PRKG2: variants seen among roughly 807,000 people sequenced by gnomAD.
PRKG2 encodes cGMP-dependent protein kinase 2.
Under a neutral mutation model 97.2 loss-of-function variants are expected in PRKG2, and 33 were observed. That is an observed-to-expected ratio of 0.34 (90% CI 0.26 to 0.45). The LOEUF is 0.45. PRKG2 is among the 20% of genes least tolerant of loss of function. The pLI is 1.00. For synonymous variants in PRKG2, 330 were observed against 321.8 expected, an observed-to-expected ratio of 1.03 and a Z score of -0.27; for missense variants, 638 against 900.0, an observed-to-expected ratio of 0.71 and a Z score of 3.73.
At chr4:81,092,949 A>G (rs1741735083) in intron 17 of PRKG2, among the ~76,000 whole-genome samples, 1 of 152,150 alleles carries the variant, frequency 6.6e-6, no homozygotes, top group Non-Finnish European at 1.5e-5. Flanking sequence ...TGTGCTGGAG[A>G]TAACTTAGCA....
chr4:81,144,252 A>G lies in PRKG2; in HGVS notation c.1233T>C (p.Asp411=). 1 of 1,610,558 alleles carries G rather than the reference A, an allele frequency of 6.2e-7. No individual in the cohort carries two copies. The highest frequency in any genetic ancestry group is 8.5e-7 in the Non-Finnish European group (1 of 1,176,986). ...LEGYVANLNR[D]DEKRHAKRSM... is the part of the protein sequence containing the mutation. ...CTTACTTCGCATGTCTTTTTTCATC[A>G]TCACGGTTCAGGTTTGCCACATATC... The change falls in exon 10 of 19, where the codon GAT becomes GAC. Residue 411 remains aspartate, a synonymous_variant. Transcript: ENST00000264399.
rs542562457 is a variant in PRKG2, at chr4:81,189,381, C to A, written c.462-14422G>T. ...GAAATAATAAAAATGTCAACACACA[C>A]AAAAAAAAAGAAAATGTGGCACATA... On this transcript the variant is annotated intron_variant, in intron 2 of 18. Transcript: ENST00000264399. 5.5e-5 allele frequency among the ~76,000 whole-genome samples: 7 copies of A among 126,800 alleles called. 2 individuals are homozygous for A. The highest frequency in any genetic ancestry group is 2.6e-4 in the African/African-American group (6 of 23,144). The allele number at this position is 126,800 out of a possible 152,430, so 83.2% of individuals were successfully genotyped here.
chr4:81,185,948 T>C (rs1751845264), intron 2 of PRKG2, among the ~76,000 whole-genome samples: 1 of 152,070 alleles, frequency 6.6e-6, no homozygotes, highest in African/African-American at 2.4e-5. Context: ...ATGCACCCAA[T>C]AAAGGAGCAC....
chr4:81,199,484 A>T (rs899988803), intron 2 of PRKG2, among the ~76,000 whole-genome samples: 13 of 152,162 alleles, frequency 8.5e-5, no homozygotes, highest in Admixed American at 7.2e-4. Flanking sequence ...CTGATTTTGA[A>T]TTCTGTTTCC....
intron 18 of PRKG2, among the ~76,000 whole-genome samples, chr4:81,091,645 C>T (rs1287008618): frequency 6.6e-6 from 1 of 152,128 alleles, no homozygotes; most frequent in Non-Finnish European, 1.5e-5. Context: ...TCCACAACTA[C>T]ACTTTGATGA....
rs545356418 is a variant in PRKG2 at position 81,164,422 on chromosome 4, G to A, written c.912+2739C>T. Among the ~76,000 whole-genome samples the A allele has an allele frequency of 1.6e-4, 24 of 151,750 alleles. No homozygotes were observed. In the South Asian group the frequency reaches 4.4e-3, roughly 28 times the overall value. On this transcript the variant is annotated intron_variant, in intron 6 of 18. Coordinates refer to ENST00000264399, the MANE Select transcript of PRKG2 (RefSeq NM_006259.3). ...CTACAATTATTTCAACTTTCTTATG[G>A]CTCTGGATTTAACCGTTAGGATGAC...
At chr4:81,121,753 T>C (rs1204017067) in intron 14 of PRKG2, among the ~76,000 whole-genome samples, 1 of 151,504 alleles carries the variant, frequency 6.6e-6, no homozygotes, top group East Asian at 1.9e-4. Context: ...TTAATCTGGA[T>C]AGAGACATTG....
intron 11 of PRKG2, among the ~76,000 whole-genome samples, chr4:81,142,193 A>G (rs1328386638): frequency 6.6e-6 from 1 of 152,232 alleles, no homozygotes; most frequent in Non-Finnish European, 1.5e-5. Flanking sequence ...TGGAAGGCAC[A>G]ACTAAAATCA....
At chr4:81,110,727 GCA>G (rs145649671) in intron 14 of PRKG2, 116 bp from the exon 15 acceptor site, 14,279 of 683,322 alleles carry the variant, frequency 0.021, 2 homozygotes, top group East Asian at 0.029. Flanking sequence ...TTTATACCAT[GCA>G]CACACACACA....
chr4:81,171,630 GA>G (rs1236900004), intron 4 of PRKG2, 60 bp downstream of exon 4: 16 of 1,316,000 alleles, frequency 1.2e-5, no homozygotes, highest in Non-Finnish European at 1.7e-5. Flanking sequence ...AATGTGACTG[GA>G]CTAGATTATC....
chr4:81,123,230 T>C (rs529693407), intron 14 of PRKG2, among the ~76,000 whole-genome samples: 2 of 152,350 alleles, frequency 1.3e-5, no homozygotes, highest in Admixed American at 1.3e-4. Flanking sequence ...TTTTGAAGAA[T>C]TTTATTAGGT....
At chr4:81,124,058 C>T (rs1348482651) in intron 14 of PRKG2, among the ~76,000 whole-genome samples, 1 of 152,158 alleles carries the variant, frequency 6.6e-6, no homozygotes, top group African/African-American at 2.4e-5. Flanking sequence ...CTCCTTGTGG[C>T]ATATCAGATC....
chr4:81,163,987 C>A (rs892117367), intron 6 of PRKG2, among the ~76,000 whole-genome samples: 1 of 151,906 alleles, frequency 6.6e-6, no homozygotes, highest in Admixed American at 6.6e-5. Flanking sequence ...ACTAGTTAAT[C>A]TTTGTTTTCC....
intron 15 of PRKG2, among the ~76,000 whole-genome samples, chr4:81,106,637 T>A (rs1030363711): frequency 2.0e-5 from 3 of 152,174 alleles, no homozygotes; most frequent in African/African-American, 7.2e-5. Context: ...TTGAAAGTAG[T>A]GAGATATGGC....
chr4:81,177,491 G>A (rs1224093196), intron 2 of PRKG2, among the ~76,000 whole-genome samples: 1 of 152,140 alleles, frequency 6.6e-6, no homozygotes, highest in Admixed American at 6.5e-5. Flanking sequence ...AGATCACGAG[G>A]TCAGGAGATC....
intron 2 of PRKG2, among the ~76,000 whole-genome samples, chr4:81,182,616 C>A (rs926784914): frequency 3.3e-5 from 5 of 151,958 alleles, no homozygotes; most frequent in African/African-American, 4.8e-5. Context: ...AAACTGTATT[C>A]TTTCCAAAAG....
chr4:81,203,577 G>A (rs1001995654), intron 2 of PRKG2, among the ~76,000 whole-genome samples: 5 of 151,960 alleles, frequency 3.3e-5, no homozygotes, highest in African/African-American at 7.3e-5. Context: ...AGGCATTATC[G>A]AGGCAAAAGA....
intron 8 of PRKG2, 54 bp downstream of exon 8, chr4:81,151,905 TA>T: frequency 2.9e-6 from 4 of 1,363,980 alleles, no homozygotes; most frequent in South Asian, 1.2e-5. Flanking sequence ...TGATTTTATA[TA>T]AAAAATAGTC....
chr4:81,128,381 G>C (rs1745818201), intron 14 of PRKG2, among the ~76,000 whole-genome samples: 1 of 152,042 alleles, frequency 6.6e-6, no homozygotes, highest in African/African-American at 2.4e-5. Flanking sequence ...TTTTTCTATT[G>C]TTTGGAATAG....
Sources: allele counts gnomAD v4.1 joint callset (sites outside exome capture counted in the v4.1 genomes callset), GRCh38; gene constraint gnomAD v4.1.1; transcripts MANE v1.5; gene names NCBI Gene and HGNC (gene_info 2026-07-23, HGNC 2026-07-21).